Variants in SLC9B1 observed in about 807,000 individuals in gnomAD.
The protein encoded by SLC9B1 is sodium/hydrogen exchanger 9B1.
In SLC9B1, 32 loss-of-function variants were observed where a neutral mutation model predicts 51.7. The observed-to-expected ratio is 0.62, with a 90% CI of 0.47 to 0.83. SLC9B1 has a LOEUF of 0.83. Among genes scored for constraint, SLC9B1 ranks in the 40% least tolerant of loss-of-function variants. The pLI, the probability that SLC9B1 is intolerant of heterozygous loss-of-function variation, is 0.00. For missense variants in SLC9B1, 406 were observed against 613.2 expected (o/e 0.66, Z 3.57); for synonymous variants, 145 against 212.7 (o/e 0.68, Z 2.77).
intron 11 of SLC9B1, chr4:102,888,890 A>C (rs551020965): frequency 6.6e-6 from 1 of 152,398 alleles, no homozygotes; most frequent in Non-Finnish European, 1.5e-5. Context: ...GAGAAAAGAC[A>C]AATACAAAAG....
chr4:102,887,738 A>T (rs1734005184), intron 11 of SLC9B1: 1 of 194,326 alleles, frequency 5.1e-6, no homozygotes, highest in African/African-American at 2.3e-5. Flanking sequence ...TTTCAACAGG[A>T]TCTTGTATTT....
At chr4:103,017,564 TTCCTTAGGGC>T (rs1263854972) in intron 1 of SLC9B1, among the ~76,000 whole-genome samples, 1 of 152,208 alleles carries the variant, frequency 6.6e-6, no homozygotes, top group Non-Finnish European at 1.5e-5. Context: ...AGTTCTTTCC[TTCCTTAGGGC>T]TCTTGCAATT....
At chr4:102,946,289 CTGTT>C (rs1335305688) in intron 5 of SLC9B1, among the ~76,000 whole-genome samples, 1 of 151,922 alleles carries the variant, frequency 6.6e-6, no homozygotes, top group Non-Finnish European at 1.5e-5. Context: ...TTTTTTTCTT[CTGTT>C]TTTTTCTTCT....
At chr4:103,013,428 C>T (rs1020831572) in intron 1 of SLC9B1, among the ~76,000 whole-genome samples, 1 of 152,146 alleles carries the variant, frequency 6.6e-6, no homozygotes, top group African/African-American at 2.4e-5. Context: ...TGGTTTCTTT[C>T]CCCTATTCAT....
chr4:102,945,470 C>A (rs1480203674), intron 5 of SLC9B1, 150 bp from the exon 6 acceptor site: 2 of 672,334 alleles, frequency 3.0e-6, no homozygotes, highest in Admixed American at 7.5e-5. Flanking sequence ...GGACTTTGAA[C>A]TCTATTACAT....
rs563215332 is a variant in SLC9B1 at position 102,926,345 on chromosome 4, A to T, written c.829+5779T>A. ...GATGACATGATTGTATATTTAGAAAACCCCATCATCTCAGCCCAAAATCTC... is the reference window on the plus strand; with the variant it reads ...GATGACATGATTGTATATTTAGAAATCCCCATCATCTCAGCCCAAAATCTC... On this transcript the variant is annotated intron_variant, in intron 7 of 11. Coordinates refer to ENST00000296422, the MANE Select transcript of SLC9B1 (RefSeq NM_139173.4). Among the ~76,000 whole-genome samples the T allele has an allele frequency of 9.8e-5, 15 of 152,290 alleles. No homozygotes were observed. The South Asian group carries it at 3.1e-3, about 32-fold the overall frequency.
At chr4:102,891,372 A>G (rs532145258) in intron 11 of SLC9B1, 1 of 152,338 alleles carries the variant, frequency 6.6e-6, no homozygotes, top group Admixed American at 6.5e-5. Context: ...AGTCAGGGGA[A>G]CAAAAATAAA....
In SLC9B1 at chr4:102,929,487, A is replaced by T. The variant is rs563559281; in HGVS notation, c.829+2637T>A. Among the ~76,000 whole-genome samples the T allele has an allele frequency of 4.5e-3, 679 of 152,282 alleles. 8 individuals carry two copies. The highest frequency in any genetic ancestry group is 0.016 in the African/African-American group (657 of 41,532). On this transcript the variant is annotated intron_variant, in intron 7 of 11. Transcript: ENST00000296422. ...ATGTTGTTGCCTACTGTTTATTCTC[A>T]GTGTTTGGCATAGTAGCCGGCAAAA... is the stretch of plus-strand genomic sequence containing the variant.
intron 1 of SLC9B1, among the ~76,000 whole-genome samples, chr4:103,015,711 G>A (rs547905364): frequency 1.1e-4 from 16 of 151,996 alleles, no homozygotes; most frequent in East Asian, 9.7e-4. Flanking sequence ...CTAATCTTGC[G>A]TCATACCTTA....
chr4:102,945,384 A>G (rs1737219291), intron 5 of SLC9B1, 64 bp from the exon 6 acceptor site: 1 of 1,467,966 alleles, frequency 6.8e-7, no homozygotes, highest in Non-Finnish European at 9.1e-7. Context: ...TTATTTTAAC[A>G]AATGTCAAAC....
intron 7 of SLC9B1, among the ~76,000 whole-genome samples, chr4:102,915,604 A>G (rs1257306501): frequency 2.6e-5 from 4 of 152,148 alleles, no homozygotes; most frequent in Non-Finnish European, 5.9e-5. Flanking sequence ...GCTGGTCTCA[A>G]ACTCCTAGGC....
chr4:103,006,182 A>G (rs967104131), intron 1 of SLC9B1, among the ~76,000 whole-genome samples: 1 of 152,008 alleles, frequency 6.6e-6, no homozygotes, highest in African/African-American at 2.4e-5. Flanking sequence ...AAGAATAAAT[A>G]AGATTATTTA....
chr4:102,957,556 C>T (rs556873798), intron 3 of SLC9B1, among the ~76,000 whole-genome samples: 7 of 152,144 alleles, frequency 4.6e-5, no homozygotes, highest in South Asian at 4.1e-4. Flanking sequence ...ATTAAGAATT[C>T]GGTATCCAGT....
intron 6 of SLC9B1, among the ~76,000 whole-genome samples, chr4:102,938,687 G>T (rs1038590288): frequency 2.0e-5 from 3 of 151,946 alleles, no homozygotes; most frequent in Non-Finnish European, 4.4e-5. Context: ...TCTTGGACCC[G>T]CAGTGTAATA....
At chr4:102,916,078 T>C (rs1183383517) in intron 7 of SLC9B1, among the ~76,000 whole-genome samples, 1 of 151,860 alleles carries the variant, frequency 6.6e-6, no homozygotes, top group Non-Finnish European at 1.5e-5. Flanking sequence ...AAAATGACAA[T>C]AGTAAGCCCC....
chr4:102,970,423 C>A (rs1188092684), intron 3 of SLC9B1, among the ~76,000 whole-genome samples: 5 of 151,908 alleles, frequency 3.3e-5, no homozygotes, highest in Non-Finnish European at 7.4e-5. Flanking sequence ...AAATCCTTTA[C>A]AGACAAGCAA....
At chr4:102,960,284 T>C (rs1738034476) in intron 3 of SLC9B1, among the ~76,000 whole-genome samples, 1 of 151,956 alleles carries the variant, frequency 6.6e-6, no homozygotes. Context: ...AAAGGAAGGA[T>C]GTTCTGATTA....
intron 3 of SLC9B1, among the ~76,000 whole-genome samples, chr4:102,972,618 G>C (rs576631998): frequency 3.9e-5 from 6 of 152,202 alleles, no homozygotes; most frequent in Non-Finnish European, 8.8e-5. Context: ...ACTTGGGTAG[G>C]TGGGAGGGAG....
At chr4:102,967,067 C>T (rs1451425025) in intron 3 of SLC9B1, among the ~76,000 whole-genome samples, 2 of 152,204 alleles carry the variant, frequency 1.3e-5, no homozygotes, top group African/African-American at 2.4e-5. Context: ...GTCTCCAGTT[C>T]CTAATACCTT....
Sources: gnomAD v4.1 joint callset for allele counts (sites outside exome capture counted in the v4.1 genomes callset) on GRCh38, gnomAD v4.1.1 for gene constraint, MANE v1.5 for transcripts, NCBI Gene and HGNC (gene_info 2026-07-23, HGNC 2026-07-21) for gene names.